The following GLIS1 variants were observed in gnomAD, a reference collection of about 807,000 sequenced individuals.
GLIS1 encodes the protein GLIS family zinc finger 1, also known as zinc finger protein GLIS1.
GLIS1 carries 24 observed loss-of-function variants against 63.8 expected under a neutral mutation model. That is an observed-to-expected ratio of 0.38 (90% CI 0.27 to 0.53). GLIS1 has a LOEUF of 0.53. Among genes scored for constraint, GLIS1 ranks in the 20% least tolerant of loss-of-function variants. GLIS1 has a pLI of 0.85. For synonymous variants in GLIS1, 450 were observed against 482.5 expected (o/e 0.93, Z 0.88); for missense variants, 1,036 against 1,074.1 (o/e 0.96, Z 0.50).
At chr1:53,718,676 T>C (rs1646723383) in intron 2 of GLIS1, among the ~76,000 whole-genome samples, 1 of 152,116 alleles carries the variant, frequency 6.6e-6, no homozygotes, top group African/African-American at 2.4e-5. Context: ...AGACTCCATC[T>C]GCAGACTTGT....
intron 4 of GLIS1, among the ~76,000 whole-genome samples, chr1:53,576,073 C>T (rs1645029465): frequency 6.6e-6 from 1 of 152,074 alleles, no homozygotes; most frequent in Admixed American, 6.5e-5. Context: ...CTCAGATGCC[C>T]ACCGCCCCTT....
intron 4 of GLIS1, among the ~76,000 whole-genome samples, chr1:53,552,784 GTTC>G (rs1259104864): frequency 1.3e-4 from 20 of 152,336 alleles, no homozygotes; most frequent in African/African-American, 4.1e-4. Flanking sequence ...CTCTCTGAGA[GTTC>G]TTCTGTTTTT....
At chr1:53,597,670 G>A (rs2100542629) in intron 3 of GLIS1, among the ~76,000 whole-genome samples, 1 of 152,228 alleles carries the variant, frequency 6.6e-6, no homozygotes, top group East Asian at 1.9e-4. Flanking sequence ...GGGCGGTTGG[G>A]GGAAGGCACG....
rs529095798 is a variant in GLIS1 at position 53,561,488 on chromosome 1, G to A, written c.1321-31536C>T. Among the ~76,000 whole-genome samples the A allele has an allele frequency of 3.7e-4, 56 of 152,274 alleles. 1 individual carries two copies. Among genetic ancestry groups the A allele is most frequent in the African/African-American group, 1.1e-3 (45 of 41,552 alleles). ...TGTATGTCTTTACATTATTGTTGGC[G>A]GACCAGGGCCTTAAATAATTTCTGT... On this transcript the variant is annotated intron_variant, in intron 4 of 10. Transcript: ENST00000628545.
intron 2 of GLIS1, among the ~76,000 whole-genome samples, chr1:53,690,952 G>T (rs541666453): frequency 7.2e-4 from 109 of 152,324 alleles, no homozygotes; most frequent in African/African-American, 2.6e-3. Context: ...CTGAAGCACA[G>T]GTAATCTTCC....
intron 4 of GLIS1, among the ~76,000 whole-genome samples, chr1:53,573,698 G>C (rs1645006061): frequency 6.6e-6 from 1 of 152,224 alleles, no homozygotes; most frequent in Non-Finnish European, 1.5e-5. Context: ...GGTGTGAGGA[G>C]CACGCAGATG....
chr1:53,714,559 C>G (rs890604350), intron 2 of GLIS1, among the ~76,000 whole-genome samples: 10 of 152,366 alleles, frequency 6.6e-5, no homozygotes, highest in Admixed American at 5.9e-4. Context: ...CCACGATGGT[C>G]TGAAAGATGG....
chr1:53,568,295 A>G (rs573961168), intron 4 of GLIS1, among the ~76,000 whole-genome samples: 1 of 152,286 alleles, frequency 6.6e-6, no homozygotes, highest in African/African-American at 2.4e-5. Flanking sequence ...GTTTTGACCA[A>G]TTTCTCCCTT....
chr1:53,712,601 C>A (rs1310363304), intron 2 of GLIS1, among the ~76,000 whole-genome samples: 1 of 152,202 alleles, frequency 6.6e-6, no homozygotes, highest in Non-Finnish European at 1.5e-5. Context: ...AGGCCGGGCC[C>A]AGCACAGGAC....
At chr1:53,509,048 G>A (rs187529440) in intron 10 of GLIS1, 72 bp downstream of exon 10, 86 of 1,399,574 alleles carry the variant, frequency 6.1e-5, no homozygotes, top group South Asian at 3.4e-4. Context: ...AGGACAGCAC[G>A]TATGCAGCAC....
chr1:53,649,345 G>C (rs1645881240), intron 2 of GLIS1, among the ~76,000 whole-genome samples: 1 of 152,186 alleles, frequency 6.6e-6, no homozygotes, highest in South Asian at 2.1e-4. Context: ...TACGACTGCA[G>C]CTATGTCATA....
At position 53,560,905 on chromosome 1, in the gene GLIS1, C is replaced by A. The variant is rs1190966162; in HGVS notation, c.1321-30953G>T. ...GCCACTGGTATCCCACCCCGCCCTG[C>A]CCACAGCCAGGCAGCCAGGCAGAGC... On this transcript the variant is annotated intron_variant, in intron 4 of 10. Transcript: ENST00000628545. This position sits in a 1 kb window ranked among gnomAD's most constrained non-coding sequence, Gnocchi z 4.4. 1.3e-5 allele frequency among the ~76,000 whole-genome samples: 2 copies of A among 152,186 alleles called. No homozygotes were observed. The highest frequency in any genetic ancestry group is 1.3e-4 in the Admixed American group (2 of 15,284).
chr1:53,506,649 G>A lies in GLIS1; in HGVS notation c.2358C>T (p.Gly786=). Residue 786 remains glycine (G), a synonymous_variant, in exon 11 of 11, where the codon GGC becomes GGT. Coordinates refer to ENST00000628545, the MANE Select transcript of GLIS1 (RefSeq NM_001367484.1). Reference sequence around the variant, plus strand: ...TGTCTGTGTAGATGGAGGGGATGTGGCCCAGGCAGTGGTCAAAGGCTCCAT... The same window carrying A: ...TGTCTGTGTAGATGGAGGGGATGTGACCCAGGCAGTGGTCAAAGGCTCCAT... ...FPNGAFDHCL[G]HIPSIYTDT 2 of 1,594,022 alleles carry A rather than the reference G, an allele frequency of 1.3e-6. No individual in the cohort carries two copies. The highest frequency in any genetic ancestry group is 1.7e-6 in the Non-Finnish European group (2 of 1,170,304).
intron 6 of GLIS1, among the ~76,000 whole-genome samples, chr1:53,522,441 G>C (rs1644419767): frequency 1.3e-5 from 2 of 152,220 alleles, no homozygotes; most frequent in African/African-American, 2.4e-5. Flanking sequence ...AGCCTCCCTG[G>C]TGTGGAGCTC....
intron 2 of GLIS1, among the ~76,000 whole-genome samples, chr1:53,727,253 G>T (rs1294958983): frequency 1.3e-5 from 2 of 152,210 alleles, no homozygotes; most frequent in Admixed American, 6.5e-5. Flanking sequence ...TTTCTGGAAA[G>T]CTTTACAGTT....
chr1:53,560,371 C>T lies in GLIS1; in HGVS notation c.1321-30419G>A, dbSNP rs1159353852. ...ACTGAGTGCCCAACCCAGTAACACCCACCTGGGCCTCACGAGTCAGGCAGG... is the reference window on the plus strand; with the variant it reads ...ACTGAGTGCCCAACCCAGTAACACCTACCTGGGCCTCACGAGTCAGGCAGG... On this transcript the variant is annotated intron_variant, in intron 4 of 10. Transcript: ENST00000628545. The surrounding 1 kb of genome is among the most constrained non-coding windows in gnomAD (Gnocchi z 4.4). Among the ~76,000 whole-genome samples the T allele has an allele frequency of 1.3e-5, 2 of 152,186 alleles. No individual in the cohort carries two copies. The highest frequency in any genetic ancestry group is 3.9e-4 in the East Asian group (2 of 5,184).
chr1:53,657,592 C>A (rs1645980886), intron 2 of GLIS1, among the ~76,000 whole-genome samples: 1 of 152,142 alleles, frequency 6.6e-6, no homozygotes, highest in Non-Finnish European at 1.5e-5. Context: ...GATGCCCCTG[C>A]CGGACGCATC....
Position 53,509,971 on chromosome 1 carries a change from G to A in GLIS1, c.1940C>T (p.Pro647Leu), listed in dbSNP as rs767466845. 59 of 1,293,146 alleles carry A rather than the reference G, an allele frequency of 4.6e-5. No homozygotes were observed. The highest frequency in any genetic ancestry group is 1.4e-4 in the South Asian group (4 of 28,574). 80.1% of individuals were successfully genotyped at this position (1,293,146 alleles called of 1,614,324 possible). ...IVSPLKGLGPPPLPPSSQSHS... is the reference protein window; with the variant it reads ...IVSPLKGLGPLPLPPSSQSHS... ...GCTCTGAGAGGATGGGGGCAGCGGC[G>A]GTGGCCCCAGCCCCTTCAGGGGGCT... The change falls in exon 9 of 11, where the codon CCG (proline) becomes CTG (leucine). Residue 647 changes from proline to leucine, a missense_variant. Pro to Leu is a moderately conservative substitution (Grantham distance 98, BLOSUM62 -3). This residue lies in a region of GLIS1 where 400 missense variants were observed against 400.9 expected (regional missense o/e 1.00). Transcript: ENST00000628545.
intron 2 of GLIS1, among the ~76,000 whole-genome samples, chr1:53,728,070 C>T (rs1388603907): frequency 1.3e-5 from 2 of 152,156 alleles, no homozygotes; most frequent in Non-Finnish European, 2.9e-5. Context: ...TGGAGCCAGC[C>T]CTGTGCTGGC....
Sources: gnomAD v4.1 joint callset for allele counts (sites outside exome capture counted in the v4.1 genomes callset) on GRCh38, gnomAD v4.1.1 for gene constraint, gnomAD v4.1.1 regional missense constraint, Gnocchi (gnomAD v3.1) non-coding constraint, MANE v1.5 for transcripts, NCBI Gene and HGNC (gene_info 2026-07-23, HGNC 2026-07-21) for gene names.